ASAP3: variants seen among roughly 807,000 people sequenced by gnomAD.
ASAP3 encodes the protein ArfGAP with SH3 domain, ankyrin repeat and PH domain 3, also known as arf-GAP with SH3 domain, ANK repeat and PH domain-containing protein 3.
In ASAP3, 85 loss-of-function variants were observed where a neutral mutation model predicts 118.2. The ratio of observed to expected loss-of-function variants is 0.72; its 90% CI spans 0.60 to 0.86. The LOEUF (loss-of-function observed/expected upper bound fraction) is 0.86. Among genes scored for constraint, ASAP3 ranks in the 40% least tolerant of loss-of-function variants. ASAP3 has a pLI of 0.00. For missense variants in ASAP3, 1,026 were observed against 1,175.0 expected (o/e 0.87, Z 1.85); for synonymous variants, 432 against 477.4 (o/e 0.90, Z 1.24).
At chr1:23,453,158 G>A (rs373426991) in intron 3 of ASAP3, among the ~76,000 whole-genome samples, 85 of 152,234 alleles carry the variant, frequency 5.6e-4, no homozygotes, top group African/African-American at 2.0e-3. Context: ...TCCTCGCCAG[G>A]AGCAGCCTCC....
intron 1 of ASAP3, among the ~76,000 whole-genome samples, chr1:23,459,468 C>T (rs1448207170): frequency 6.6e-6 from 1 of 151,654 alleles, no homozygotes; most frequent in Admixed American, 6.6e-5. Flanking sequence ...ACACCTGGTT[C>T]AAGCTAAACC....
At chr1:23,473,101 T>C (rs1024225772) in intron 1 of ASAP3, among the ~76,000 whole-genome samples, 3 of 152,152 alleles carry the variant, frequency 2.0e-5, no homozygotes, top group Admixed American at 2.0e-4. Context: ...AGCCTGCCTT[T>C]GTACACCACA....
rs146100758 is a variant in ASAP3, at chr1:23,478,755, G to A, written c.129+5250C>T. On this transcript the variant is annotated intron_variant, in intron 1 of 24. Transcript: ENST00000336689. Reference sequence around the variant, plus strand: ...AGCCTGCATGACAGAGTGAGACTCTGTCTCAAAAAAAAAATAAAAAATAAA... The same window carrying A: ...AGCCTGCATGACAGAGTGAGACTCTATCTCAAAAAAAAAATAAAAAATAAA... 2.6e-4 allele frequency among the ~76,000 whole-genome samples: 40 copies of A among 151,444 alleles called. No individual in the cohort carries two copies. The East Asian group carries it at 7.7e-3, about 29-fold the overall frequency.
chr1:23,437,222 T>C lies in ASAP3; in HGVS notation c.1250A>G (p.His417Arg), dbSNP rs548083247. 20 of 1,597,830 alleles carry C rather than the reference T, an allele frequency of 1.3e-5. No individual in the cohort carries two copies. The highest frequency in any genetic ancestry group is 1.7e-4 in the Middle Eastern group (1 of 6,042). The stretch of plus-strand genomic sequence containing the variant: ...TGTGAGGTCGTGCGGCTCCCCATCA[T>C]GGCCGGCGGACCCCCAGGACCCCGG... Reference protein sequence around the residue: ...AGPGSWGSAGHDGEPHDLTKL... With the variant: ...AGPGSWGSAGRDGEPHDLTKL... The change falls in exon 14 of 25, where the codon CAT becomes CGT. Residue 417 changes from histidine (H) to arginine (R), a missense_variant. Transcript: ENST00000336689. The surrounding 1 kb of genome is among the most constrained non-coding windows in gnomAD (Gnocchi z 6.1).
At position 23,438,693 on chromosome 1, in the gene ASAP3, C is replaced by T; in HGVS notation, c.1102+54G>A. The stretch of plus-strand genomic sequence containing the variant: ...AAGCCCCCCGGGAGCTGACAGGTGT[C>T]TTAGAGAAGCCCTGAGCAGCTGTGG... On this transcript the variant is annotated intron_variant, in intron 12 of 24. Transcript: ENST00000336689. This position sits in a 1 kb window ranked among gnomAD's most constrained non-coding sequence, Gnocchi z 4.9. 1 of 1,561,114 alleles carries T rather than the reference C, an allele frequency of 6.4e-7. No homozygotes were observed. The highest frequency in any genetic ancestry group is 8.8e-7 in the Non-Finnish European group (1 of 1,133,196).
intron 3 of ASAP3, among the ~76,000 whole-genome samples, chr1:23,453,040 G>A (rs1407689288): frequency 6.6e-6 from 1 of 152,106 alleles, no homozygotes; most frequent in Non-Finnish European, 1.5e-5. Flanking sequence ...TGTGTGAAAG[G>A]GGGCAGGAGG....
chr1:23,467,110 C>T (rs564631011), intron 1 of ASAP3, among the ~76,000 whole-genome samples: 1 of 151,994 alleles, frequency 6.6e-6, no homozygotes, highest in African/African-American at 2.4e-5. Context: ...GTAATCCGCC[C>T]GCCTCAGCCT....
At chr1:23,433,575 C>T in intron 20 of ASAP3, 43 bp from the exon 21 acceptor site, 1 of 1,614,200 alleles carries the variant, frequency 6.2e-7, no homozygotes, top group South Asian at 1.1e-5. Flanking sequence ...GTTGGGGGCT[C>T]AGCAGGGAGA....
chr1:23,465,289 C>A (rs1267602073), intron 1 of ASAP3, among the ~76,000 whole-genome samples: 1 of 152,216 alleles, frequency 6.6e-6, no homozygotes, highest in African/African-American at 2.4e-5. Flanking sequence ...TGGAGAGGGA[C>A]CACAGCAGAC....
Position 23,455,981 on chromosome 1 carries a change from A to G in ASAP3, c.248T>C (p.Leu83Ser). The change falls in exon 3 of 25, where the codon TTA (leucine) becomes TCA (serine). Residue 83 changes from leucine to serine, a missense_variant. Coordinates refer to ENST00000336689, the MANE Select transcript of ASAP3 (RefSeq NM_017707.4). ...GTTCTGGGACAGGTGGCTGTTGCCT[A>G]AGGATTCCACGGCCTCTCGGTACTG... ...EEQYREAVES[L>S]GNSHLSQNSH... 6.2e-7 allele frequency: 1 copy of G among 1,614,104 alleles called. No individual in the cohort carries two copies. The highest frequency in any genetic ancestry group is 8.5e-7 in the Non-Finnish European group (1 of 1,180,010).
chr1:23,452,778 A>G lies in ASAP3; in HGVS notation c.349-7T>C, dbSNP rs753575170. Reference sequence around the variant, plus strand: ...TGTTGTTCAAGTTCTGAATCTGGAAAAAACAGAGACGCTCATTCCCGCCTC... The same window carrying G: ...TGTTGTTCAAGTTCTGAATCTGGAAGAAACAGAGACGCTCATTCCCGCCTC... On this transcript the variant is annotated splice_polypyrimidine_tract_variant and splice_region_variant and intron_variant, in intron 3 of 24. Transcript: ENST00000336689. 56 of 1,613,760 alleles carry G rather than the reference A, an allele frequency of 3.5e-5. No individual in the cohort carries two copies. Among genetic ancestry groups the G allele is most frequent in the Non-Finnish European group, 4.7e-5 (55 of 1,179,988 alleles).
At chr1:23,483,642 G>T (rs1410912490) in intron 1 of ASAP3, among the ~76,000 whole-genome samples, 1 of 152,142 alleles carries the variant, frequency 6.6e-6, no homozygotes, top group African/African-American at 2.4e-5. Context: ...TCTCAGAAGG[G>T]GAGTGACTCG....
chr1:23,484,221 C>T, upstream of ASAP3: 3 of 1,181,878 alleles, frequency 2.5e-6, no homozygotes, highest in East Asian at 7.1e-5. Context: ...CGGCCGGGGG[C>T]GCCGTCCCGG....
chr1:23,434,651 C>A (rs374305896), intron 17 of ASAP3, 33 bp from the exon 18 acceptor site: 38 of 1,597,280 alleles, frequency 2.4e-5, no homozygotes, highest in South Asian at 1.0e-4. Context: ...GAGATTCCCC[C>A]CCCAGTGCAC....
rs754412905 is a variant in ASAP3, at chr1:23,433,130, A to G, written c.2270T>C (p.Val757Ala). 3.7e-6 allele frequency: 6 copies of G among 1,613,888 alleles called. No homozygotes were observed. In the African/African-American group the frequency reaches 5.3e-5, roughly 14 times the overall value. The change falls in exon 22 of 25, where the codon GTC (valine) becomes GCC (alanine). Residue 757 changes from valine to alanine, a missense_variant. By Grantham distance (64) the Val-to-Ala change is moderately conservative. Transcript: ENST00000336689. ...GACCAAAGTCCGAGAAGAGTTTTTG[A>G]CTGGCAAGGGCGGGGGACAGTCCTC... ...ESEDCPPPLP[V>A]KNSSRTLVQG...
intron 1 of ASAP3, among the ~76,000 whole-genome samples, chr1:23,478,338 G>A (rs144819120): frequency 0.037 from 5,576 of 152,222 alleles, 142 homozygotes; most frequent in Middle Eastern, 0.15. Flanking sequence ...GGTGGCGGGC[G>A]CCTGTAATCC....
rs1640721824 is a variant in ASAP3 at position 23,437,521 on chromosome 1, TC to T, written c.1103-50del. Reference sequence around the variant, plus strand: ...TGACCCACAGAAATGCTGCTGGCCTTCCCGGAGCCCAGGGAGCCCCCACCAA... The same window carrying T: ...TGACCCACAGAAATGCTGCTGGCCTTCCGGAGCCCAGGGAGCCCCCACCAA... On this transcript the variant is annotated intron_variant, in intron 12 of 24. Coordinates refer to ENST00000336689, the MANE Select transcript of ASAP3 (RefSeq NM_017707.4). The surrounding 1 kb of genome is among the most constrained non-coding windows in gnomAD (Gnocchi z 6.1). 3.1e-6 allele frequency: 5 copies of T among 1,609,758 alleles called. No homozygotes were observed. The highest frequency in any genetic ancestry group is 4.2e-6 in the Non-Finnish European group (5 of 1,177,780).
chr1:23,460,445 T>TGAG (rs1641545387), intron 1 of ASAP3, among the ~76,000 whole-genome samples: 1 of 148,176 alleles, frequency 6.7e-6, no homozygotes, highest in Non-Finnish European at 1.5e-5. Flanking sequence ...AGGCGGAGGT[T>TGAG]GCAGTGAGCT....
At chr1:23,460,429 C>G (rs991276269) in intron 1 of ASAP3, among the ~76,000 whole-genome samples, 3 of 149,134 alleles carry the variant, frequency 2.0e-5, no homozygotes, top group Admixed American at 1.4e-4. Context: ...ATCATTTGAA[C>G]CTAGGAGGCG....
Sources: allele counts gnomAD v4.1 joint callset (sites outside exome capture counted in the v4.1 genomes callset), GRCh38; gene constraint gnomAD v4.1.1; non-coding constraint Gnocchi (gnomAD v3.1); transcripts MANE v1.5; gene names NCBI Gene and HGNC (gene_info 2026-07-23, HGNC 2026-07-21).